Variants in MYO10 observed in about 807,000 individuals in gnomAD.
The protein encoded by MYO10 is unconventional myosin-X.
Under a neutral mutation model 257.3 loss-of-function variants are expected in MYO10, and 133 were observed. The observed-to-expected ratio is 0.52, with a 90% CI of 0.45 to 0.60. The LOEUF is 0.60. Among genes scored for constraint, MYO10 ranks in the 20% least tolerant of loss-of-function variants. MYO10 has a pLI of 0.00. For synonymous variants in MYO10, 1,104 were observed against 1,028.6 expected (o/e 1.07, Z -1.40); for missense variants, 2,399 against 2,635.7 (o/e 0.91, Z 1.97).
At chr5:16,855,206 G>A (rs1179944752) in intron 2 of MYO10, among the ~76,000 whole-genome samples, 1 of 152,140 alleles carries the variant, frequency 6.6e-6, no homozygotes, top group African/African-American at 2.4e-5. Context: ...AGATAGCAAT[G>A]AGCCAATAAT....
chr5:16,814,205 G>C (rs1018186599), intron 3 of MYO10, among the ~76,000 whole-genome samples: 2 of 152,152 alleles, frequency 1.3e-5, no homozygotes, highest in Admixed American at 6.5e-5. Context: ...GGCAGTGCGC[G>C]ATCTCGGCTC....
intron 1 of MYO10, among the ~76,000 whole-genome samples, chr5:16,925,525 C>T (rs1216070463): frequency 1.3e-5 from 2 of 152,148 alleles, no homozygotes; most frequent in African/African-American, 4.8e-5. Context: ...ATTCTCCTGC[C>T]TCAGCCTTCC....
rs189502823 is a variant in MYO10 at position 16,931,170 on chromosome 5, C to G, written c.21+4618G>C. Among the ~76,000 whole-genome samples the G allele has an allele frequency of 7.2e-3, 1,098 of 152,184 alleles. 7 individuals carry two copies. Among genetic ancestry groups the G allele is most frequent in the Non-Finnish European group, 0.01 (688 of 68,010 alleles). Reference sequence around the variant, plus strand: ...TTTGTAATCCCAGCTACTCGGGAGGCTGAGGCAGGAGAATCGCTTGAACCC... The same window carrying G: ...TTTGTAATCCCAGCTACTCGGGAGGGTGAGGCAGGAGAATCGCTTGAACCC... On this transcript the variant is annotated intron_variant, in intron 1 of 40. Coordinates refer to ENST00000513610, the MANE Select transcript of MYO10 (RefSeq NM_012334.3).
chr5:16,752,969 C>T (rs1740423522), intron 19 of MYO10, among the ~76,000 whole-genome samples: 2 of 152,148 alleles, frequency 1.3e-5, no homozygotes, highest in Admixed American at 6.5e-5. Flanking sequence ...CTACCAGAAT[C>T]ATGCACATAA....
rs184531360 is a variant in MYO10, at chr5:16,797,567, C to A, written c.280-2734G>T. 1.5e-3 allele frequency among the ~76,000 whole-genome samples: 226 copies of A among 152,326 alleles called. 1 individual carries two copies. Among genetic ancestry groups the A allele is most frequent in the African/African-American group, 5.2e-3 (217 of 41,572 alleles). ...CATTCACAACAGCCAAAGGTGGAAA[C>A]AATGCCAAGGGCCCATCATCAGATG... On this transcript the variant is annotated intron_variant, in intron 3 of 40. Transcript: ENST00000513610.
intron 3 of MYO10, among the ~76,000 whole-genome samples, chr5:16,816,207 CACA>C (rs1742602505): frequency 6.6e-6 from 1 of 151,804 alleles, no homozygotes. Flanking sequence ...GGCGTGGTAG[CACA>C]CGCCTGTAGT....
intron 2 of MYO10, among the ~76,000 whole-genome samples, chr5:16,835,516 G>A (rs1360835355): frequency 6.8e-5 from 1 of 14,614 alleles, no homozygotes; most frequent in African/African-American, 1.5e-4. Flanking sequence ...TTTTTTTTTT[G>A]GTGAGATATG....
chr5:16,700,399 G>A lies in MYO10; in HGVS notation c.3432+564C>T, dbSNP rs59680622. Among the ~76,000 whole-genome samples the A allele has an allele frequency of 9.1e-3, 1,390 of 152,264 alleles. 23 individuals carry two copies. The highest frequency in any genetic ancestry group is 0.031 in the African/African-American group (1,270 of 41,544). On this transcript the variant is annotated intron_variant, in intron 25 of 40. Coordinates refer to ENST00000513610, the MANE Select transcript of MYO10 (RefSeq NM_012334.3). The stretch of plus-strand genomic sequence containing the variant: ...CCATTTAAAAAGCCAGTTTTAAGCC[G>A]GGCATGGTGGCTCACGCCTGTAATC...
chr5:16,785,300 C>A (rs1349039021), intron 4 of MYO10, among the ~76,000 whole-genome samples: 1 of 152,202 alleles, frequency 6.6e-6, no homozygotes, highest in Non-Finnish European at 1.5e-5. Flanking sequence ...CGGCCCAGTG[C>A]CTGGCACGGG....
chr5:16,761,946 C>G (rs1197973906), intron 16 of MYO10, 99 bp downstream of exon 16: 2 of 1,270,658 alleles, frequency 1.6e-6, no homozygotes, highest in South Asian at 1.7e-5. Flanking sequence ...TGTGAGCCAC[C>G]ATGCCCAGCC....
chr5:16,719,219 A>G (rs1739040290), intron 19 of MYO10, among the ~76,000 whole-genome samples: 1 of 152,166 alleles, frequency 6.6e-6, no homozygotes, highest in Non-Finnish European at 1.5e-5. Flanking sequence ...TCTGAACATC[A>G]GAAGGGACAG....
intron 19 of MYO10, among the ~76,000 whole-genome samples, chr5:16,725,084 T>C (rs1279477260): frequency 2.3e-5 from 3 of 131,474 alleles, no homozygotes; most frequent in African/African-American, 5.8e-5. Flanking sequence ...TCTTCTTTTT[T>C]TTTTTTTTTT....
At chr5:16,786,268 G>A (rs1043574576) in intron 4 of MYO10, among the ~76,000 whole-genome samples, 4 of 152,128 alleles carry the variant, frequency 2.6e-5, no homozygotes, top group African/African-American at 9.7e-5. Flanking sequence ...AAACTCTACA[G>A]CAGAGGCTTG....
rs566513617 is a variant in MYO10 at position 16,851,861 on chromosome 5, G to A, written c.120+25748C>T. ...AGGTCAGGAGTTAGAGACCAGCCTGGCCAACATGATGAAACCCTGTCCGTA... is the reference window on the plus strand; with the variant it reads ...AGGTCAGGAGTTAGAGACCAGCCTGACCAACATGATGAAACCCTGTCCGTA... On this transcript the variant is annotated intron_variant, in intron 2 of 40. Coordinates refer to ENST00000513610, the MANE Select transcript of MYO10 (RefSeq NM_012334.3). 9.8e-4 allele frequency among the ~76,000 whole-genome samples: 149 copies of A among 151,976 alleles called. 1 individual carries two copies. The highest frequency in any genetic ancestry group is 6.8e-3 in the Middle Eastern group (2 of 294).
chr5:16,676,061 G>C lies in MYO10; in HGVS notation c.4636C>G (p.Pro1546Ala), dbSNP rs368821991. The change falls in exon 34 of 41, where the codon CCC becomes GCC. Residue 1546 changes from proline (P) to alanine (A), a missense_variant. By Grantham distance (27) the Pro-to-Ala change is conservative. Around this residue, in one of 3 missense-constraint regions of MYO10, gnomAD observed 1,820 missense variants for 1,939.4 expected, o/e 0.94. Transcript: ENST00000513610. ...THHPLHSPLL[P>A]LPYGDINLNL... ...AGATTTATGTCCCCATACGGAAGGG[G>C]CAGGAGCGGGGAGTGCAAGGGGTGA... 2.0e-5 allele frequency: 33 copies of C among 1,612,914 alleles called. No homozygotes were observed. The highest frequency in any genetic ancestry group is 1.7e-4 in the Middle Eastern group (1 of 6,054).
intron 1 of MYO10, among the ~76,000 whole-genome samples, chr5:16,880,424 C>T (rs1744725762): frequency 6.6e-6 from 1 of 151,410 alleles, no homozygotes; most frequent in Admixed American, 6.6e-5. Flanking sequence ...TTATACGACT[C>T]TCCTAGTATC....
intron 3 of MYO10, chr5:16,815,421 G>A (rs60498681): frequency 2.9e-6 from 2 of 700,146 alleles, no homozygotes; most frequent in Admixed American, 2.0e-5. Context: ...GAAGCATTGT[G>A]GATTTGGAGT....
At chr5:16,806,845 C>T (rs1237893614) in intron 3 of MYO10, among the ~76,000 whole-genome samples, 2 of 152,130 alleles carry the variant, frequency 1.3e-5, no homozygotes, top group Admixed American at 6.5e-5. Context: ...GGCACTGCTT[C>T]ACTCCCCCGG....
At chr5:16,766,233 C>A (rs759546543) in intron 10 of MYO10, 35 bp from the exon 11 acceptor site, 10 of 1,528,156 alleles carry the variant, frequency 6.5e-6, no homozygotes, top group Admixed American at 3.5e-5. Context: ...ATGAACCCAC[C>A]GCCCCCAAGA....
Sources: gnomAD v4.1 joint callset for allele counts (sites outside exome capture counted in the v4.1 genomes callset) on GRCh38, gnomAD v4.1.1 for gene constraint, gnomAD v4.1.1 regional missense constraint, MANE v1.5 for transcripts, NCBI Gene and HGNC (gene_info 2026-07-23, HGNC 2026-07-21) for gene names.